CCDC190: variants seen among roughly 807,000 people sequenced by gnomAD.
CCDC190 encodes coiled-coil domain containing 190.
CCDC190 carries 10 observed loss-of-function variants against 13.1 expected under a neutral mutation model. That is an observed-to-expected ratio of 0.77 (90% CI 0.47 to 1.30). CCDC190 has a LOEUF of 1.30. CCDC190 is among the 50% of genes most tolerant of loss of function. The pLI, the probability that CCDC190 is intolerant of heterozygous loss-of-function variation, is 0.00. For synonymous variants in CCDC190, 136 were observed against 127.2 expected, an observed-to-expected ratio of 1.07 and a Z score of -0.47; for missense variants, 375 against 354.3, an observed-to-expected ratio of 1.06 and a Z score of -0.47.
At position 162,852,026 on chromosome 1, in the gene CCDC190, T is replaced by C. The variant is rs1209727348; in HGVS notation, c.*2739A>G. The C allele has an allele frequency of 6.6e-6, 1 of 152,240 alleles. No homozygotes were observed. Among genetic ancestry groups the C allele is most frequent in the Non-Finnish European group, 1.5e-5 (1 of 68,042 alleles). 9.4% of individuals were successfully genotyped at this position (152,240 alleles called of 1,614,324 possible). A position where few individuals can be genotyped will look rare whatever the true frequency, so the allele number is the denominator to read the frequency against. The stretch of plus-strand genomic sequence containing the variant: ...TATCATGAGCCTCAATTTCTTTATC[T>C]GTAAAATGGCAGCAAGTATCTCCCT... On this transcript the variant is annotated 3_prime_UTR_variant, in exon 4 of 4. Transcript: ENST00000367912.
At position 162,854,664 on chromosome 1, in the gene CCDC190, T is replaced by G. The variant is rs1650219302; in HGVS notation, c.*101A>C. The G allele has an allele frequency of 4.8e-6, 7 of 1,453,602 alleles. No individual in the cohort carries two copies. Among genetic ancestry groups the G allele is most frequent in the Non-Finnish European group, 6.3e-6 (7 of 1,105,010 alleles). 90.0% of individuals were successfully genotyped at this position (1,453,602 alleles called of 1,614,324 possible). A position where few individuals can be genotyped will look rare whatever the true frequency, so the allele number is the denominator to read the frequency against. ...GTTTAAAATAAAATTGTAATTCAAT[T>G]ATGTTTGTTTGTTTTTCTCTGTATT... On this transcript the variant is annotated 3_prime_UTR_variant, in exon 4 of 4. Transcript: ENST00000367912.
chr1:162,863,746 C>T (rs1010086424), upstream of CCDC190, among the ~76,000 whole-genome samples: 16 of 152,126 alleles, frequency 1.1e-4, no homozygotes, highest in Admixed American at 2.0e-4. Context: ...TGAGGCCGGG[C>T]GCAGTGGCTC....
upstream of CCDC190, among the ~76,000 whole-genome samples, chr1:162,865,473 A>C (rs1424668278): frequency 6.6e-6 from 1 of 152,190 alleles, no homozygotes; most frequent in Non-Finnish European, 1.5e-5. Flanking sequence ...ATTTATCAAG[A>C]TAGACCACAG....
chr1:162,854,307 A>G lies in CCDC190; in HGVS notation c.*458T>C, dbSNP rs1391527072. On this transcript the variant is annotated 3_prime_UTR_variant, in exon 4 of 4. Transcript: ENST00000367912. The stretch of plus-strand genomic sequence containing the variant: ...AGAGAGCACGTGGGTGTGGTTAAAG[A>G]GCAGATTTTCTTTATAGACCATGTT... 1.0e-6 allele frequency: 1 copy of G among 986,962 alleles called. No individual in the cohort carries two copies. Among genetic ancestry groups the G allele is most frequent in the Non-Finnish European group, 1.2e-6 (1 of 830,962 alleles). 61.1% of individuals were successfully genotyped at this position (986,962 alleles called of 1,614,324 possible).
At chr1:162,864,554 A>T (rs182708289), upstream of CCDC190, among the ~76,000 whole-genome samples, 431 of 152,302 alleles carry the variant, frequency 2.8e-3, 2 homozygotes, top group African/African-American at 9.3e-3. Context: ...CTAGTGTGAG[A>T]TTTACAGCAT....
upstream of CCDC190, among the ~76,000 whole-genome samples, chr1:162,865,143 C>G (rs781077007): frequency 3.3e-5 from 5 of 151,874 alleles, no homozygotes; most frequent in Non-Finnish European, 7.4e-5. Context: ...TATTCAGAGC[C>G]AATAATATTA....
chr1:162,855,357 G>T lies in CCDC190; in HGVS notation c.314C>A (p.Ala105Glu). 1 of 1,595,644 alleles carries T rather than the reference G, an allele frequency of 6.3e-7. No individual in the cohort carries two copies. Reference sequence around the variant, plus strand: ...GTCTTGGGCCATACGGGTTGCCAATGCTCTGAGAAAGGACATAAAAGAAAG... The same window carrying T: ...GTCTTGGGCCATACGGGTTGCCAATTCTCTGAGAAAGGACATAAAAGAAAG... ...HRAPQAKKMR[A>E]LATRMAQDTC... is the part of the protein sequence containing the mutation. The change falls in exon 4 of 4, where the codon GCA becomes GAA. Residue 105 changes from alanine to glutamate, a missense_variant and splice_region_variant. Ala to Glu is a moderately radical substitution (Grantham distance 107). Transcript: ENST00000367912.
intron 3 of CCDC190, 35 bp downstream of exon 3, chr1:162,855,597 T>A: frequency 6.2e-7 from 1 of 1,608,504 alleles, no homozygotes; most frequent in Non-Finnish European, 8.5e-7. Context: ...AGAGACTTAA[T>A]GTCATACCCA....
At chr1:162,861,284 T>C (rs893614437), upstream of CCDC190, among the ~76,000 whole-genome samples, 1 of 152,088 alleles carries the variant, frequency 6.6e-6, no homozygotes, top group Non-Finnish European at 1.5e-5. Context: ...AATAGCTCTG[T>C]GGGTAAAAGA....
At chr1:162,862,567 G>A (rs1163685781), upstream of CCDC190, among the ~76,000 whole-genome samples, 1 of 152,226 alleles carries the variant, frequency 6.6e-6, no homozygotes, top group South Asian at 2.1e-4. Context: ...AGGGATGTGA[G>A]TGCAGATGAA....
upstream of CCDC190, among the ~76,000 whole-genome samples, chr1:162,862,927 G>A (rs1214464952): frequency 6.6e-6 from 1 of 151,232 alleles, no homozygotes; most frequent in African/African-American, 2.4e-5. Context: ...AATTATATGT[G>A]AAACTGGAGC....
chr1:162,859,845 C>T (rs762987393), intron 1 of CCDC190, among the ~76,000 whole-genome samples, 187 bp from the exon 2 acceptor site: 2 of 151,952 alleles, frequency 1.3e-5, no homozygotes, highest in Admixed American at 6.6e-5. Context: ...GTAGTCATTC[C>T]TCTGAGCCTC....
In CCDC190 at chr1:162,855,231, G is replaced by A. The variant is rs775178052; in HGVS notation, c.440C>T (p.Ala147Val). Residue 147 changes from alanine (A) to valine (V), a missense_variant, in exon 4 of 4, where the codon GCC becomes GTC. By Grantham distance (64) the Ala-to-Val change is moderately conservative. Coordinates refer to ENST00000367912, the MANE Select transcript of CCDC190 (RefSeq NM_001394065.1). ...TTGTGGTTGCTCTTTTATGAAGCAG[G>A]CAGTTCTGTTATTTTGAGAGAGTGG... ...KQPLSQNNRTACFIKEQPQAQ... is the reference protein window; with the variant it reads ...KQPLSQNNRTVCFIKEQPQAQ... The A allele has an allele frequency of 1.2e-6, 2 of 1,613,832 alleles. No homozygotes were observed. The highest frequency in any genetic ancestry group is 1.7e-5 in the Admixed American group (1 of 59,990).
At chr1:162,855,509 T>C in intron 3 of CCDC190, 123 bp downstream of exon 3, 1 of 1,494,116 alleles carries the variant, frequency 6.7e-7, no homozygotes, top group South Asian at 1.3e-5. Flanking sequence ...GTAGTAACAA[T>C]GCAGGGAAAA....
In CCDC190 at chr1:162,853,305, C is replaced by T. The variant is rs1320305496; in HGVS notation, c.*1460G>A. The T allele has an allele frequency of 1.2e-5, 7 of 571,590 alleles. No individual in the cohort carries two copies. In the Admixed American group the frequency reaches 2.4e-4, roughly 20 times the overall value. 35.4% of individuals were successfully genotyped at this position (571,590 alleles called of 1,614,324 possible). ...CTGCCATCTATTAGCAAGTTACCAC[C>T]ACTCTTCCCTCTATTTCCTTATCTG... is the stretch of plus-strand genomic sequence containing the variant. On this transcript the variant is annotated 3_prime_UTR_variant, in exon 4 of 4. Coordinates refer to ENST00000367912, the MANE Select transcript of CCDC190 (RefSeq NM_001394065.1).
intron 1 of CCDC190, among the ~76,000 whole-genome samples, chr1:162,860,618 C>T (rs1284907319): frequency 1.3e-5 from 2 of 151,126 alleles, no homozygotes; most frequent in South Asian, 2.1e-4. Flanking sequence ...AGTGCAGTGG[C>T]GCGATCTCAG....
At position 162,855,765 on chromosome 1, in the gene CCDC190, G is replaced by C. The variant is rs1330552841; in HGVS notation, c.188-10C>G. 6.3e-7 allele frequency: 1 copy of C among 1,578,034 alleles called. No homozygotes were observed. On this transcript the variant is annotated splice_polypyrimidine_tract_variant and intron_variant, in intron 2 of 3. Transcript: ENST00000367912. ...TTTTTCTTCATGGTTTCTGCTTTGA[G>C]TTAATTAAGAAGTGTTATGAGTTGG...
intron 2 of CCDC190, among the ~76,000 whole-genome samples, chr1:162,858,855 T>A (rs1055838659): frequency 6.6e-6 from 1 of 152,186 alleles, no homozygotes; most frequent in African/African-American, 2.4e-5. Context: ...TTGATAAGAG[T>A]GGGCACTTAT....
rs531336214 is a variant in CCDC190, at chr1:162,860,593, T to C, written c.-13+415A>G. On this transcript the variant is annotated intron_variant, in intron 1 of 3. Coordinates refer to ENST00000367912, the MANE Select transcript of CCDC190 (RefSeq NM_001394065.1). ...TTTTTTTTGAGACAGAGTCTCACTCTGTTGCCCAGGCTGGAGTGCAGTGGC... is the reference window on the plus strand; with the variant it reads ...TTTTTTTTGAGACAGAGTCTCACTCCGTTGCCCAGGCTGGAGTGCAGTGGC... 2.8e-4 allele frequency among the ~76,000 whole-genome samples: 43 copies of C among 152,004 alleles called. 2 individuals carry two copies. The South Asian group carries it at 8.5e-3, about 30-fold the overall frequency.
Sources: allele counts gnomAD v4.1 joint callset (sites outside exome capture counted in the v4.1 genomes callset), GRCh38; gene constraint gnomAD v4.1.1; transcripts MANE v1.5; gene names NCBI Gene and HGNC (gene_info 2026-07-23, HGNC 2026-07-21).